The following ATP6V1C2 variants were observed in gnomAD, a reference collection of about 807,000 sequenced individuals.
ATP6V1C2 encodes the protein ATPase H+ transporting V1 subunit C2.
A neutral mutation model predicts 56.8 loss-of-function variants in ATP6V1C2; 45 were observed. The observed-to-expected ratio is 0.79, with a 90% CI of 0.62 to 1.02. The LOEUF is 1.02. Among genes scored for constraint, ATP6V1C2 ranks in the 50% least tolerant of loss-of-function variants. The pLI, the probability that ATP6V1C2 is intolerant of heterozygous loss-of-function variation, is 0.00. For synonymous variants in ATP6V1C2, 220 were observed against 201.3 expected (o/e 1.09, Z -0.79); for missense variants, 463 against 519.7 (o/e 0.89, Z 1.06).
At chr2:10,722,669 C>T (rs1572487611) in intron 1 of ATP6V1C2, 155 bp from the exon 2 acceptor site, 1 of 767,756 alleles carries the variant, frequency 1.3e-6, no homozygotes, top group Non-Finnish European at 2.0e-6. Flanking sequence ...TGAGGGCTGC[C>T]CAGGTGGAGA....
At chr2:10,774,674 C>A in intron 8 of ATP6V1C2, 114 bp from the exon 9 acceptor site, 1 of 847,632 alleles carries the variant, frequency 1.2e-6, no homozygotes, top group Non-Finnish European at 2.0e-6. Context: ...GTTCCCCAGC[C>A]CTCAGCTGCT....
At chr2:10,773,204 G>C (rs1449543773) in intron 8 of ATP6V1C2, among the ~76,000 whole-genome samples, 2 of 152,186 alleles carry the variant, frequency 1.3e-5, no homozygotes, top group African/African-American at 4.8e-5. Context: ...AAATGGATGT[G>C]AAATGGGCGT....
intron 5 of ATP6V1C2, among the ~76,000 whole-genome samples, chr2:10,765,201 C>T (rs1212270218): frequency 6.6e-6 from 1 of 152,162 alleles, no homozygotes; most frequent in Non-Finnish European, 1.5e-5. Flanking sequence ...CTGTCCTGTT[C>T]AGCAATGGCC....
chr2:10,777,849 AG>A lies in ATP6V1C2; in HGVS notation c.963+129del, dbSNP rs1315364157. On this transcript the variant is annotated intron_variant, in intron 11 of 13. Transcript: ENST00000272238. ...TATGGCTTTTGAGGTCTTAAATTTG[AG>A]GAGCCGGAATCATGCCTTCCTCCTA... 2.5e-6 allele frequency: 3 copies of A among 1,215,008 alleles called. No individual in the cohort carries two copies. The African/African-American group carries it at 4.6e-5, about 18-fold the overall frequency. The allele number at this position is 1,215,008 out of a possible 1,614,324, so 75.3% of individuals were successfully genotyped here.
intron 11 of ATP6V1C2, 24 bp downstream of exon 11, chr2:10,777,746 G>A (rs747096100): frequency 1.8e-4 from 281 of 1,591,576 alleles, no homozygotes; most frequent in African/African-American, 2.7e-4. Context: ...CGGGAACCCC[G>A]GGGTCCCTGG....
intron 3 of ATP6V1C2, chr2:10,744,132 T>C (rs1041331780): frequency 4.6e-5 from 7 of 152,132 alleles, no homozygotes; most frequent in Admixed American, 4.6e-4. Flanking sequence ...CAGCGGGCCA[T>C]GTAACGCCAT....
intron 3 of ATP6V1C2, among the ~76,000 whole-genome samples, chr2:10,738,204 G>A (rs993094045): frequency 5.3e-5 from 8 of 152,262 alleles, no homozygotes; most frequent in Admixed American, 5.2e-4. Context: ...GCCTTCACCT[G>A]GTCATCCTGA....
Position 10,782,318 on chromosome 2 carries a change from G to A in ATP6V1C2, c.1137G>A (p.Glu379=), listed in dbSNP as rs1003746718. The A allele has an allele frequency of 1.3e-5, 21 of 1,614,090 alleles. No homozygotes were observed. The highest frequency in any genetic ancestry group is 1.4e-5 in the Non-Finnish European group (17 of 1,180,046). The change falls in exon 13 of 14, where the codon GAG becomes GAA. Residue 379 remains glutamate, a synonymous_variant. Transcript: ENST00000272238. ...AGTCATCCACCAAGCGTTTAAGAGA[G>A]GTTCTAAACTCTGTCTTCCGACATC... ...HKKSSTKRLR[E]VLNSVFRHLD...
At chr2:10,739,259 G>A (rs962419860) in intron 3 of ATP6V1C2, among the ~76,000 whole-genome samples, 1 of 151,884 alleles carries the variant, frequency 6.6e-6, no homozygotes, top group Non-Finnish European at 1.5e-5. Context: ...CTCCAGCCTG[G>A]GCAATAAGAG....
intron 3 of ATP6V1C2, among the ~76,000 whole-genome samples, chr2:10,741,178 G>C (rs796419107): frequency 4.6e-5 from 7 of 152,350 alleles, no homozygotes; most frequent in African/African-American, 1.7e-4. Flanking sequence ...TAAACTTCCA[G>C]TTTCTGTGAA....
intron 3 of ATP6V1C2, among the ~76,000 whole-genome samples, chr2:10,751,000 A>G (rs1663184274): frequency 6.6e-6 from 1 of 152,214 alleles, no homozygotes; most frequent in African/African-American, 2.4e-5. Context: ...GAAATTTGCT[A>G]AACAAATGAA....
intron 10 of ATP6V1C2, 30 bp downstream of exon 10, chr2:10,775,101 C>G: frequency 6.4e-7 from 1 of 1,557,010 alleles, no homozygotes; most frequent in South Asian, 1.1e-5. Flanking sequence ...GCTCCTCCCG[C>G]CCCTACCCGG....
rs370224262 is a variant in ATP6V1C2 at position 10,774,886 on chromosome 2, G to A, written c.731+6G>A. 1.2e-6 allele frequency: 2 copies of A among 1,613,944 alleles called. No homozygotes were observed. The highest frequency in any genetic ancestry group is 1.7e-5 in the Admixed American group (1 of 60,006). ...ACCAAGGCCAAAGAAAACAAGTAAG[G>A]GTCCTCCAGGTTTGGTTCATCTCCC... On this transcript the variant is annotated splice_donor_region_variant and intron_variant, in intron 9 of 13. Transcript: ENST00000272238.
At chr2:10,735,338 T>C (rs530292817) in intron 3 of ATP6V1C2, among the ~76,000 whole-genome samples, 41 of 151,834 alleles carry the variant, frequency 2.7e-4, no homozygotes, top group Admixed American at 2.3e-3. Context: ...CCCAGCTAAT[T>C]TTTGTGTTTT....
chr2:10,756,922 A>G (rs899709079), intron 4 of ATP6V1C2, among the ~76,000 whole-genome samples: 1 of 150,668 alleles, frequency 6.6e-6, no homozygotes, highest in African/African-American at 2.5e-5. Flanking sequence ...TGTTTACACT[A>G]TATGTTTATA....
At chr2:10,776,014 C>T (rs1282150714) in intron 10 of ATP6V1C2, among the ~76,000 whole-genome samples, 5 of 152,108 alleles carry the variant, frequency 3.3e-5, no homozygotes, top group African/African-American at 7.2e-5. Context: ...TCCCAGTGTC[C>T]GTGCTGCCAA....
intron 6 of ATP6V1C2, chr2:10,770,206 C>T (rs996595786): frequency 6.6e-6 from 1 of 152,170 alleles, no homozygotes; most frequent in African/African-American, 2.4e-5. Context: ...TGAGAACAGC[C>T]TGACCAACAT....
In ATP6V1C2 at chr2:10,780,066, C is replaced by T. The variant is rs1665256327; in HGVS notation, c.1061+1397C>T. Among the ~76,000 whole-genome samples the T allele has an allele frequency of 6.6e-6, 1 of 152,104 alleles. No individual in the cohort carries two copies. Among genetic ancestry groups the T allele is most frequent in the Non-Finnish European group, 1.5e-5 (1 of 67,998 alleles). Reference sequence around the variant, plus strand: ...CGCCTGCACTGAGGAGCTCCTCATCCCTCCCTGCCGTCCCCCTGGCTGATG... The same window carrying T: ...CGCCTGCACTGAGGAGCTCCTCATCTCTCCCTGCCGTCCCCCTGGCTGATG... On this transcript the variant is annotated intron_variant, in intron 12 of 13. Coordinates refer to ENST00000272238, the MANE Select transcript of ATP6V1C2 (RefSeq NM_001039362.2). This position sits in a 1 kb window ranked among gnomAD's most constrained non-coding sequence, Gnocchi z 4.1.
intron 4 of ATP6V1C2, chr2:10,757,406 C>G: frequency 2.6e-6 from 1 of 392,008 alleles, no homozygotes; most frequent in Non-Finnish European, 4.5e-6. Flanking sequence ...GGCTTAATAA[C>G]TCCACCTTAT....
Sources: allele counts gnomAD v4.1 joint callset (sites outside exome capture counted in the v4.1 genomes callset), GRCh38; gene constraint gnomAD v4.1.1; non-coding constraint Gnocchi (gnomAD v3.1); transcripts MANE v1.5; gene names NCBI Gene and HGNC (gene_info 2026-07-23, HGNC 2026-07-21).